Variants in PTPRT observed in about 807,000 individuals in gnomAD.
PTPRT encodes the protein receptor-type tyrosine-protein phosphatase T.
PTPRT carries 56 observed loss-of-function variants against 176.8 expected under a neutral mutation model. The ratio of observed to expected loss-of-function variants is 0.32; its 90% CI spans 0.26 to 0.40. The LOEUF (loss-of-function observed/expected upper bound fraction) is 0.40, where lower values mean the gene tolerates loss of function less well. Among genes scored for constraint, PTPRT ranks in the 10% least tolerant of loss-of-function variants. The pLI is 1.00. For synonymous variants in PTPRT, 783 were observed against 739.0 expected, an observed-to-expected ratio of 1.06 and a Z score of -0.96; for missense variants, 1,540 against 1,908.2, an observed-to-expected ratio of 0.81 and a Z score of 3.60.
At position 42,295,943 on chromosome 20, in the gene PTPRT, C is replaced by G. The variant is rs370897923; in HGVS notation, c.2140-13418G>C. Among the ~76,000 whole-genome samples the G allele has an allele frequency of 2.0e-5, 3 of 152,170 alleles. No homozygotes were observed. The East Asian group carries it at 5.8e-4, about 29-fold the overall frequency. ...TGAAGGACATGTTTGCTTCTCCTTC[C>G]GCCATGACTGTAAGTTTCCTGAGGC... On this transcript the variant is annotated intron_variant, in intron 12 of 30. Coordinates refer to ENST00000373187, the MANE Select transcript of PTPRT (RefSeq NM_007050.6).
At chr20:42,935,527 C>T (rs1174820747) in intron 1 of PTPRT, among the ~76,000 whole-genome samples, 1 of 152,106 alleles carries the variant, frequency 6.6e-6, no homozygotes, top group Non-Finnish European at 1.5e-5. Context: ...TATTCAAAGA[C>T]AGAGATTATT....
intron 5 of PTPRT, among the ~76,000 whole-genome samples, chr20:42,757,637 G>T (rs747109009): frequency 6.6e-6 from 1 of 152,168 alleles, no homozygotes; most frequent in Non-Finnish European, 1.5e-5. Flanking sequence ...ACACACATTT[G>T]CCCACAAGTG....
chr20:43,179,989 G>C (rs988649857), intron 1 of PTPRT, among the ~76,000 whole-genome samples: 9 of 152,204 alleles, frequency 5.9e-5, no homozygotes, highest in African/African-American at 1.7e-4. Flanking sequence ...GTGTGTGAGG[G>C]TGTTTCTGGA....
intron 1 of PTPRT, among the ~76,000 whole-genome samples, chr20:42,900,072 T>C (rs2079375469): frequency 6.6e-6 from 1 of 152,156 alleles, no homozygotes; most frequent in South Asian, 2.1e-4. Context: ...CACCCAAATA[T>C]CACAGCTGGG....
chr20:43,006,227 A>G (rs1383699502), intron 1 of PTPRT, among the ~76,000 whole-genome samples: 1 of 152,246 alleles, frequency 6.6e-6, no homozygotes, highest in African/African-American at 2.4e-5. Context: ...ATTTTTAAAA[A>G]TTAATAAAAG....
chr20:42,094,085 C>T (rs1984933441), intron 27 of PTPRT, among the ~76,000 whole-genome samples: 1 of 152,208 alleles, frequency 6.6e-6, no homozygotes, highest in South Asian at 2.1e-4. Flanking sequence ...GAGCTATAGC[C>T]AATGACCTTG....
Position 42,321,793 on chromosome 20 carries a change from A to G in PTPRT, c.1866-5797T>C, listed in dbSNP as rs542455697. 9.8e-5 allele frequency among the ~76,000 whole-genome samples: 15 copies of G among 152,330 alleles called. No individual in the cohort carries two copies. In the South Asian group the frequency reaches 3.1e-3, roughly 32 times the overall value. ...TTTCAATAGGTATTTCTTAAAAAAA[A>G]GAATTTAAGGTCGAGCGCGGTGGCT... On this transcript the variant is annotated intron_variant, in intron 11 of 30. Coordinates refer to ENST00000373187, the MANE Select transcript of PTPRT (RefSeq NM_007050.6).
At position 42,516,963 on chromosome 20, in the gene PTPRT, T is replaced by C. The variant is rs192039037; in HGVS notation, c.1154-44401A>G. On this transcript the variant is annotated intron_variant, in intron 7 of 30. Transcript: ENST00000373187. The stretch of plus-strand genomic sequence containing the variant: ...CTAATAAATTGCTAACTAACTTTGG[T>C]TTCTGAATGTGCATAAGAAAATAAA... Among the ~76,000 whole-genome samples the C allele has an allele frequency of 2.0e-5, 3 of 152,258 alleles. No homozygotes were observed. In the East Asian group the frequency reaches 5.8e-4, roughly 29 times the overall value.
chr20:42,884,459 G>T (rs2053249186), intron 2 of PTPRT, among the ~76,000 whole-genome samples: 1 of 152,124 alleles, frequency 6.6e-6, no homozygotes, highest in South Asian at 2.1e-4. Flanking sequence ...CACTTTAGTA[G>T]CATCCTGGAA....
intron 22 of PTPRT, among the ~76,000 whole-genome samples, chr20:42,112,199 G>T (rs1320300368): frequency 6.6e-6 from 1 of 152,198 alleles, no homozygotes; most frequent in African/African-American, 2.4e-5. Context: ...GGATTCAGGT[G>T]GGTGGATCGG....
At chr20:43,168,294 A>T (rs989174325) in intron 1 of PTPRT, among the ~76,000 whole-genome samples, 1 of 152,236 alleles carries the variant, frequency 6.6e-6, no homozygotes, top group Non-Finnish European at 1.5e-5. Context: ...ACAAAGAGGA[A>T]AATCAAACCA....
intron 3 of PTPRT, among the ~76,000 whole-genome samples, chr20:42,782,526 C>T (rs2077229775): frequency 6.6e-6 from 1 of 152,190 alleles, no homozygotes; most frequent in South Asian, 2.1e-4. Flanking sequence ...GCACTATGAC[C>T]CATTCAGTCA....
rs1278904024 is a variant in PTPRT, at chr20:42,199,304, G to A, written c.2427C>T (p.Thr809=). 2.5e-6 allele frequency: 4 copies of A among 1,614,212 alleles called. No homozygotes were observed. The highest frequency in any genetic ancestry group is 3.3e-4 in the Middle Eastern group (2 of 6,060). Residue 809 remains threonine (T), a synonymous_variant, in exon 16 of 31, where the codon ACC becomes ACT. Transcript: ENST00000373187. ...CATCATTGCGGCTGGCGCTGAGCTT[G>A]GTGGTGGGTTTGTCGGCAGAGGCCA... ...GPVASADKPT[T]KLSASRNDEG...
intron 6 of PTPRT, chr20:42,687,052 G>C (rs577030416): frequency 8.6e-4 from 131 of 152,214 alleles, no homozygotes; most frequent in African/African-American, 3.0e-3. Context: ...AATTATTATA[G>C]TTGATACTTT....
chr20:42,363,730 T>C (rs536526098), intron 9 of PTPRT, among the ~76,000 whole-genome samples: 2 of 152,244 alleles, frequency 1.3e-5, no homozygotes, highest in African/African-American at 4.8e-5. Context: ...ATGAGGCTAC[T>C]ACCGTTACTA....
intron 1 of PTPRT, among the ~76,000 whole-genome samples, chr20:42,948,513 G>A (rs887107400): frequency 9.9e-5 from 15 of 152,158 alleles, no homozygotes; most frequent in East Asian, 3.9e-4. Flanking sequence ...TGAATGGTTG[G>A]TGATGAAACT....
chr20:43,110,024 C>T (rs189557648), intron 1 of PTPRT, among the ~76,000 whole-genome samples: 138 of 152,134 alleles, frequency 9.1e-4, no homozygotes, highest in African/African-American at 3.3e-3. Flanking sequence ...TTTTGTGTTG[C>T]TGTAAAGGAA....
At chr20:42,717,561 A>T in intron 6 of PTPRT, among the ~76,000 whole-genome samples, 1 of 151,802 alleles carries the variant, frequency 6.6e-6, no homozygotes, top group Non-Finnish European at 1.5e-5. Context: ...AGAGTAATAG[A>T]AATTCTAAAG....
intron 1 of PTPRT, among the ~76,000 whole-genome samples, chr20:42,899,334 C>A (rs911544524): frequency 1.3e-5 from 2 of 152,234 alleles, no homozygotes; most frequent in Non-Finnish European, 2.9e-5. Flanking sequence ...CAGGCTTAAA[C>A]TGGTTCCTGG....
Sources: allele counts gnomAD v4.1 joint callset (sites outside exome capture counted in the v4.1 genomes callset), GRCh38; gene constraint gnomAD v4.1.1; transcripts MANE v1.5; gene names NCBI Gene and HGNC (gene_info 2026-07-23, HGNC 2026-07-21).